The following AMOTL1 variants were observed in gnomAD, a reference collection of about 807,000 sequenced individuals.
The protein encoded by AMOTL1 is angiomotin like 1.
Under a neutral mutation model 102.9 loss-of-function variants are expected in AMOTL1, and 45 were observed. That is an observed-to-expected ratio of 0.44 (90% CI 0.34 to 0.56). AMOTL1 has a LOEUF of 0.56. AMOTL1 is among the 20% of genes least tolerant of loss of function. The pLI is 0.01. For missense variants in AMOTL1, 1,114 were observed against 1,225.6 expected, an observed-to-expected ratio of 0.91 and a Z score of 1.36; for synonymous variants, 481 against 484.7, an observed-to-expected ratio of 0.99 and a Z score of 0.10.
intron 1 of AMOTL1, among the ~76,000 whole-genome samples, chr11:94,712,049 TTA>T (rs1950029533): frequency 6.6e-6 from 1 of 152,084 alleles, no homozygotes; most frequent in South Asian, 2.1e-4. Flanking sequence ...CCATAATATT[TTA>T]TGTTACCACC....
chr11:94,742,315 A>G (rs984851858), intron 3 of AMOTL1, among the ~76,000 whole-genome samples: 3 of 152,240 alleles, frequency 2.0e-5, no homozygotes, highest in African/African-American at 7.2e-5. Context: ...CCACGCATGT[A>G]TAATTGTATG....
chr11:94,772,559 T>C (rs1950968990), intron 1 of AMOTL1, among the ~76,000 whole-genome samples: 1 of 152,264 alleles, frequency 6.6e-6, no homozygotes, highest in African/African-American at 2.4e-5. Context: ...ATAGTTTGTT[T>C]CTTTTCATTG....
At chr11:94,742,648 A>G (rs1358300430) in intron 3 of AMOTL1, among the ~76,000 whole-genome samples, 2 of 152,220 alleles carry the variant, frequency 1.3e-5, no homozygotes, top group African/African-American at 4.8e-5. Context: ...CTATGGTAAA[A>G]GCCCAGTTTC....
rs544733208 is a variant in AMOTL1 at position 94,833,007 on chromosome 11, A to G, written c.1648+1466A>G. Reference sequence around the variant, plus strand: ...GGGTTTAGTGCTGTGTGAACTCAGAAATGTTCTTCAGAAAGACTTTAACCT... The same window carrying G: ...GGGTTTAGTGCTGTGTGAACTCAGAGATGTTCTTCAGAAAGACTTTAACCT... On this transcript the variant is annotated intron_variant, in intron 6 of 12. Coordinates refer to ENST00000433060, the MANE Select transcript of AMOTL1 (RefSeq NM_130847.3). 1.1e-4 allele frequency among the ~76,000 whole-genome samples: 16 copies of G among 152,368 alleles called. No homozygotes were observed. The East Asian group carries it at 3.1e-3, about 29-fold the overall frequency.
intron 1 of AMOTL1, among the ~76,000 whole-genome samples, chr11:94,790,610 A>G (rs1422901837): frequency 6.6e-6 from 1 of 152,198 alleles, no homozygotes; most frequent in East Asian, 1.9e-4. Context: ...ATGCACAGCT[A>G]AAGGGGGCCC....
upstream of AMOTL1, among the ~76,000 whole-genome samples, chr11:94,763,488 C>T (rs570656514): frequency 1.2e-4 from 19 of 152,274 alleles, no homozygotes; most frequent in African/African-American, 4.6e-4. Context: ...TTGAACAATG[C>T]AGGAGTCACG....
chr11:94,811,578 T>C lies in AMOTL1; in HGVS notation c.1122-9952T>C, dbSNP rs1951683802. Among the ~76,000 whole-genome samples the C allele has an allele frequency of 1.3e-5, 2 of 152,028 alleles. 1 individual carries two copies. The highest frequency in any genetic ancestry group is 4.2e-4 in the South Asian group (2 of 4,816). On this transcript the variant is annotated intron_variant, in intron 3 of 12. Transcript: ENST00000433060. ...TTTTTTTTTTTCAGATGTGGGAATT[T>C]AGCCAATTCAGAGGCCTTGTTCCCC...
At chr11:94,784,792 T>C (rs1591961697) in intron 1 of AMOTL1, among the ~76,000 whole-genome samples, 1 of 152,186 alleles carries the variant, frequency 6.6e-6, no homozygotes, top group African/African-American at 2.4e-5. Context: ...TCAAATTGTC[T>C]GTAAAAGATG....
intron 1 of AMOTL1, among the ~76,000 whole-genome samples, chr11:94,785,029 G>C (rs1019328249): frequency 7.9e-5 from 12 of 152,110 alleles, no homozygotes; most frequent in Admixed American, 3.9e-4. Context: ...GATGAGGAAG[G>C]GTGGTTTCAT....
intron 9 of AMOTL1, 43 bp from the exon 10 acceptor site, chr11:94,864,692 A>G: frequency 4.4e-6 from 7 of 1,596,424 alleles, no homozygotes; most frequent in East Asian, 2.2e-5. Flanking sequence ...GAGACAAAGC[A>G]AGAAGGTTTC....
Position 94,757,250 on chromosome 11 carries a change from C to T in AMOTL1, c.136+16262C>T, listed in dbSNP as rs146468420. On this transcript the variant is annotated intron_variant, in intron 3 of 4. Coordinates refer to the AMOTL1 transcript ENST00000299004. ...AATAATAGTTAATATTTCTAGAACA[C>T]CTGCTGCAAGTTAAGCACTGGACTA... is the stretch of plus-strand genomic sequence containing the variant. Among the ~76,000 whole-genome samples, 44 of 152,190 alleles carry T rather than the reference C, an allele frequency of 2.9e-4. 1 individual carries two copies. Among genetic ancestry groups the T allele is most frequent in the African/African-American group, 1.0e-3 (43 of 41,510 alleles).
At position 94,871,689 on chromosome 11, in the gene AMOTL1, TCTGA is replaced by T; in HGVS notation, c.*898_*901del. ...GCTGGGTTGCAGCTGCGAACCTCAT[TCTGA>T]CTGTGAACTAAGCAAGCTTTGAGGA... is the stretch of plus-strand genomic sequence containing the variant. On this transcript the variant is annotated 3_prime_UTR_variant, in exon 13 of 13. Coordinates refer to ENST00000433060, the MANE Select transcript of AMOTL1 (RefSeq NM_130847.3). The T allele has an allele frequency of 6.6e-6, 1 of 152,274 alleles. No individual in the cohort carries two copies. The highest frequency in any genetic ancestry group is 2.1e-4 in the South Asian group (1 of 4,822). 9.4% of individuals were successfully genotyped at this position (152,274 alleles called of 1,614,324 possible).
chr11:94,819,515 T>A (rs1261982975), intron 3 of AMOTL1, among the ~76,000 whole-genome samples: 4 of 152,222 alleles, frequency 2.6e-5, no homozygotes, highest in African/African-American at 9.6e-5. Context: ...AATTGTGTAT[T>A]CAGTGAAAAG....
chr11:94,851,851 A>G (rs1234957495), intron 7 of AMOTL1, among the ~76,000 whole-genome samples: 1 of 152,212 alleles, frequency 6.6e-6, no homozygotes, highest in East Asian at 1.9e-4. Context: ...GCTAGAATTA[A>G]GGTTGATACA....
chr11:94,770,195 C>T (rs1356658150), intron 1 of AMOTL1, among the ~76,000 whole-genome samples: 1 of 152,204 alleles, frequency 6.6e-6, no homozygotes, highest in Admixed American at 6.5e-5. Context: ...CTCTAGATTG[C>T]AAGGTCTTAA....
intron 6 of AMOTL1, among the ~76,000 whole-genome samples, chr11:94,839,793 T>C (rs1952259915): frequency 6.6e-6 from 1 of 152,232 alleles, no homozygotes; most frequent in African/African-American, 2.4e-5. Context: ...GTTTTTACAC[T>C]GGGAAGGATC....
chr11:94,809,642 C>T (rs148004864), intron 3 of AMOTL1, among the ~76,000 whole-genome samples: 5 of 152,300 alleles, frequency 3.3e-5, no homozygotes, highest in South Asian at 2.1e-4. Flanking sequence ...CAGAGGCTAA[C>T]GATTCATAAC....
intron 3 of AMOTL1, among the ~76,000 whole-genome samples, chr11:94,755,081 C>T (rs564338116): frequency 7.2e-5 from 11 of 152,222 alleles, no homozygotes; most frequent in South Asian, 2.1e-4. Context: ...GTGCTTACAT[C>T]GATGAGACTT....
chr11:94,803,140 TGAGACTTCACTCCTTTTTGCCTA>T lies in AMOTL1; in HGVS notation c.1121+2833_1121+2855del, dbSNP rs1485679516. Reference sequence around the variant, plus strand: ...AGTTTGGTCCAACCCATTACATTGTTGAGACTTCACTCCTTTTTGCCTAGAGGTAGAAAGCTCCAAAGAGACAA... The same window carrying T: ...AGTTTGGTCCAACCCATTACATTGTTGAGGTAGAAAGCTCCAAAGAGACAA... On this transcript the variant is annotated intron_variant, in intron 3 of 12. Coordinates refer to ENST00000433060, the MANE Select transcript of AMOTL1 (RefSeq NM_130847.3). 2.0e-5 allele frequency among the ~76,000 whole-genome samples: 3 copies of T among 152,332 alleles called. No individual in the cohort carries two copies. The East Asian group carries it at 5.8e-4, about 29-fold the overall frequency.
Sources: allele counts gnomAD v4.1 joint callset (sites outside exome capture counted in the v4.1 genomes callset), GRCh38; gene constraint gnomAD v4.1.1; transcripts MANE v1.5; gene names NCBI Gene and HGNC (gene_info 2026-07-23, HGNC 2026-07-21).